The following LIPJ variants were observed in gnomAD, a reference collection of about 807,000 sequenced individuals.
The protein encoded by LIPJ is lipase member J.
A neutral mutation model predicts 39.8 loss-of-function variants in LIPJ; 33 were observed. That is an observed-to-expected ratio of 0.83 (90% CI 0.63 to 1.11). The LOEUF is 1.11. LIPJ is among the 50% of genes least tolerant of loss of function. The probability of loss-of-function intolerance (pLI) is 0.00; values close to 1 mark genes in which losing one functional copy is unlikely to be tolerated. For missense variants in LIPJ, 422 were observed against 427.9 expected (o/e 0.99, Z 0.12); for synonymous variants, 128 against 139.2 (o/e 0.92, Z 0.57).
exon 11 of LIPJ, chr10:88,606,682 T>C: frequency 1.3e-6 from 2 of 1,599,662 alleles, no homozygotes; most frequent in Non-Finnish European, 1.7e-6. Flanking sequence ...AGACAACGTC[T>C]CCATTATACA....
intron 5 of LIPJ, among the ~76,000 whole-genome samples, 179 bp from the exon 6 acceptor site, chr10:88,594,488 T>A (rs1300697664): frequency 1.3e-5 from 2 of 151,910 alleles, no homozygotes; most frequent in Non-Finnish European, 2.9e-5. Flanking sequence ...TGTGATTTTA[T>A]TTCCTTGAGT....
intron 3 of LIPJ, among the ~76,000 whole-genome samples, chr10:88,591,064 A>G (rs1349809851): frequency 6.6e-6 from 1 of 151,858 alleles, no homozygotes; most frequent in Non-Finnish European, 1.5e-5. Context: ...ACGAGTGGGT[A>G]GGTAAAAGTA....
chr10:88,585,922 A>G (rs1850897436), upstream of LIPJ, among the ~76,000 whole-genome samples: 1 of 152,234 alleles, frequency 6.6e-6, no homozygotes, highest in Non-Finnish European at 1.5e-5. Flanking sequence ...TTATCATCCT[A>G]CAGTTATCAC....
intron 8 of LIPJ, among the ~76,000 whole-genome samples, chr10:88,600,381 T>G (rs186423164): frequency 2.6e-5 from 4 of 152,286 alleles, no homozygotes; most frequent in Admixed American, 2.6e-4. Context: ...TCTCTTGCTG[T>G]GTATAGTCTG....
intron 9 of LIPJ, among the ~76,000 whole-genome samples, chr10:88,603,212 G>A (rs916220999): frequency 2.0e-5 from 3 of 152,146 alleles, no homozygotes; most frequent in Non-Finnish European, 4.4e-5. Flanking sequence ...CAGTAGACTA[G>A]GGATTATTTA....
At chr10:88,615,122 CAG>C in the LIPJ span, among the ~76,000 whole-genome samples, 1 of 152,064 alleles carries the variant, frequency 6.6e-6, no homozygotes, top group African/African-American at 2.4e-5. Flanking sequence ...ATTTCTTAAA[CAG>C]AGCACACAAA....
chr10:88,597,860 CA>C (rs1273843588), intron 8 of LIPJ, among the ~76,000 whole-genome samples: 1 of 151,842 alleles, frequency 6.6e-6, no homozygotes, highest in Non-Finnish European at 1.5e-5. Flanking sequence ...ATCATAAATA[CA>C]ATGTTTATTT....
At chr10:88,590,227 G>T (rs971884156) in intron 2 of LIPJ, among the ~76,000 whole-genome samples, 1 of 151,598 alleles carries the variant, frequency 6.6e-6, no homozygotes, top group Non-Finnish European at 1.5e-5. Context: ...ATAAATGTTA[G>T]GCTGGTAATA....
Position 88,606,665 on chromosome 10 carries a change from T to C in LIPJ, c.868-9T>C. 1 of 1,555,662 alleles carries C rather than the reference T, an allele frequency of 6.4e-7. No homozygotes were observed. The stretch of plus-strand genomic sequence containing the variant: ...TATGAAAACTATTTTTTCACTCATT[T>C]ATTTTCAGACAACGTCTCCATTATA... On this transcript the variant is annotated splice_polypyrimidine_tract_variant and intron_variant, in intron 10 of 10. Transcript: ENST00000371939.
At chr10:88,606,086 A>G (rs906032387) in intron 10 of LIPJ, among the ~76,000 whole-genome samples, 4 of 152,188 alleles carry the variant, frequency 2.6e-5, no homozygotes, top group African/African-American at 9.6e-5. Flanking sequence ...AAGAAAACAT[A>G]TATAATAATT....
At chr10:88,593,877 T>C (rs1011313184) in intron 4 of LIPJ, 69 bp from the exon 5 acceptor site, 23 of 1,375,142 alleles carry the variant, frequency 1.7e-5, no homozygotes, top group Non-Finnish European at 2.0e-5. Context: ...AAAGTTTGAA[T>C]TTCAGATAAA....
At chr10:88,617,194 G>C in the LIPJ span, among the ~76,000 whole-genome samples, 1 of 152,262 alleles carries the variant, frequency 6.6e-6, no homozygotes, top group Non-Finnish European at 1.5e-5. Flanking sequence ...GCTGAGCCAT[G>C]ACAGAGTAAG....
chr10:88,589,766 T>C (rs1488894497), intron 2 of LIPJ, among the ~76,000 whole-genome samples: 1 of 151,834 alleles, frequency 6.6e-6, no homozygotes, highest in African/African-American at 2.4e-5. Context: ...TGACAGATAT[T>C]ACACTAATAC....
intron 9 of LIPJ, 46 bp from the exon 10 acceptor site, chr10:88,605,587 C>G: frequency 7.5e-7 from 1 of 1,340,748 alleles, no homozygotes; most frequent in Non-Finnish European, 1.1e-6. Context: ...TCAGCTGCCA[C>G]TGTAATGAAC....
chr10:88,585,075 T>C (rs1407919927), upstream of LIPJ, among the ~76,000 whole-genome samples: 3 of 152,250 alleles, frequency 2.0e-5, no homozygotes, highest in African/African-American at 7.2e-5. Context: ...TTAATGTGAT[T>C]CACAGCCATA....
chr10:88,621,390 T>G, the LIPJ span, among the ~76,000 whole-genome samples: 1 of 152,154 alleles, frequency 6.6e-6, no homozygotes, highest in African/African-American at 2.4e-5. Flanking sequence ...TGCATTATGC[T>G]GAGTGAAAAG....
intron 4 of LIPJ, chr10:88,593,331 G>C (rs1332789809): frequency 1.3e-5 from 2 of 151,820 alleles, no homozygotes; most frequent in African/African-American, 2.4e-5. Context: ...GTTACTAGGA[G>C]TCATGGCAAG....
Sources: allele counts gnomAD v4.1 joint callset (sites outside exome capture counted in the v4.1 genomes callset), GRCh38; gene constraint gnomAD v4.1.1; transcripts MANE v1.5; gene names NCBI Gene and HGNC (gene_info 2026-07-23, HGNC 2026-07-21).